PROX1: variants seen among roughly 807,000 people sequenced by gnomAD.
The protein encoded by PROX1 is prospero homeobox protein 1.
Under a neutral mutation model 58.8 loss-of-function variants are expected in PROX1, and 7 were observed. The observed-to-expected ratio is 0.12, with a 90% CI of 0.07 to 0.22. PROX1 has a LOEUF of 0.22. Ranked by LOEUF, PROX1 falls within the 10% of genes least tolerant of loss-of-function variation. The probability of loss-of-function intolerance (pLI) is 1.00; values close to 1 mark genes in which losing one functional copy is unlikely to be tolerated. For missense variants in PROX1, 675 were observed against 927.8 expected, an observed-to-expected ratio of 0.73 and a Z score of 3.54; for synonymous variants, 350 against 358.3, an observed-to-expected ratio of 0.98 and a Z score of 0.26.
chr1:213,985,618 C>T (rs1177406736), upstream of PROX1: 1 of 152,268 alleles, frequency 6.6e-6, no homozygotes, highest in African/African-American at 2.4e-5. Flanking sequence ...GCGGGTTACC[C>T]CGACTTCGAC....
chr1:213,990,037 A>C (rs1053028404), intron 1 of PROX1, among the ~76,000 whole-genome samples: 8 of 151,316 alleles, frequency 5.3e-5, no homozygotes, highest in Non-Finnish European at 1.0e-4. Flanking sequence ...CCTTGAGCTT[A>C]TAAAAACAGA....
intron 2 of PROX1, among the ~76,000 whole-genome samples, chr1:213,999,111 T>C (rs1663397744): frequency 6.6e-6 from 1 of 152,178 alleles, no homozygotes; most frequent in East Asian, 1.9e-4. Flanking sequence ...AATGGCTCTT[T>C]TTATGATTCT....
At chr1:214,025,267 G>A (rs887552972) in intron 4 of PROX1, among the ~76,000 whole-genome samples, 77 of 152,108 alleles carry the variant, frequency 5.1e-4, no homozygotes, top group South Asian at 2.1e-4. Flanking sequence ...CTTACAGGTC[G>A]AATTCAAGTG....
intron 3 of PROX1, among the ~76,000 whole-genome samples, chr1:214,009,843 G>A (rs1417803455): frequency 6.6e-6 from 1 of 152,050 alleles, no homozygotes; most frequent in Non-Finnish European, 1.5e-5. Context: ...TCATTCCCCA[G>A]TGCACAGCCT....
upstream of PROX1, among the ~76,000 whole-genome samples, chr1:213,987,121 A>G (rs1662843189): frequency 1.3e-5 from 2 of 152,178 alleles, no homozygotes; most frequent in Non-Finnish European, 2.9e-5. Context: ...ATATATTTTT[A>G]AAGGCTGCTT....
chr1:214,006,573 G>A (rs913755660), intron 3 of PROX1, among the ~76,000 whole-genome samples: 1 of 152,150 alleles, frequency 6.6e-6, no homozygotes, highest in Non-Finnish European at 1.5e-5. Context: ...GTGACACAGA[G>A]GCCAGGAAAA....
intron 4 of PROX1, among the ~76,000 whole-genome samples, chr1:214,016,702 T>C (rs1196235044): frequency 2.0e-5 from 3 of 152,164 alleles, no homozygotes; most frequent in Non-Finnish European, 4.4e-5. Flanking sequence ...TTGCCTGAAA[T>C]TTGAAGGAGA....
Position 214,037,609 on chromosome 1 carries a change from A to G in PROX1, c.*1775A>G, listed in dbSNP as rs1664870299. ...AGTCCTATGATGCCCTGCACCATCC[A>G]GGGGACTAACAGGGCCTCGCAGTGT... On this transcript the variant is annotated 3_prime_UTR_variant, in exon 5 of 5. Coordinates refer to ENST00000366958, the MANE Select transcript of PROX1 (RefSeq NM_001270616.2). 6.6e-6 allele frequency: 1 copy of G among 152,208 alleles called. No homozygotes were observed. Among genetic ancestry groups the G allele is most frequent in the African/African-American group, 2.4e-5 (1 of 41,440 alleles). The allele number at this position is 152,208 out of a possible 1,614,324, so 9.4% of individuals were successfully genotyped here.
chr1:214,000,097 G>A lies in PROX1; in HGVS notation c.1725+1837G>A, dbSNP rs1244672152. Among the ~76,000 whole-genome samples the A allele has an allele frequency of 5.9e-5, 9 of 152,070 alleles. No individual in the cohort carries two copies. The East Asian group carries it at 7.7e-4, about 13-fold the overall frequency. On this transcript the variant is annotated intron_variant, in intron 2 of 4. Transcript: ENST00000366958. ...ACACACACAGAGTAAAGTGACATGC[G>A]TGCCAATTTTGGTGAATATTTAAAG...
At chr1:214,029,939 G>A (rs746930826) in intron 4 of PROX1, 6 of 152,614 alleles carry the variant, frequency 3.9e-5, no homozygotes, top group Non-Finnish European at 7.3e-5. Flanking sequence ...AACAGCCACA[G>A]CGGATTAGTT....
intron 3 of PROX1, among the ~76,000 whole-genome samples, chr1:214,005,964 ATGTGTC>A (rs1325300619): frequency 6.7e-6 from 1 of 149,268 alleles, no homozygotes; most frequent in Non-Finnish European, 1.5e-5. Context: ...GTGTGTGTGT[ATGTGTC>A]TGTGTCTGTG....
intron 4 of PROX1, among the ~76,000 whole-genome samples, chr1:214,018,545 AAG>A (rs1328844651): frequency 6.6e-6 from 1 of 152,164 alleles, no homozygotes; most frequent in African/African-American, 2.4e-5. Context: ...GGGTAGGAAA[AAG>A]AGAACCGTCT....
upstream of PROX1, chr1:213,983,845 T>C (rs1440536829): frequency 6.6e-6 from 1 of 152,218 alleles, no homozygotes; most frequent in African/African-American, 2.4e-5. Context: ...TCACGGCCTC[T>C]CCAAATGCTA....
At chr1:213,987,663 G>A (rs1302410518), upstream of PROX1, 2 of 141,560 alleles carry the variant, frequency 1.4e-5, no homozygotes, top group African/African-American at 2.5e-5. Context: ...GGCTCGCTCC[G>A]GCCCAGGCGC....
At chr1:214,014,347 A>G (rs575959636) in intron 4 of PROX1, among the ~76,000 whole-genome samples, 4 of 152,356 alleles carry the variant, frequency 2.6e-5, no homozygotes, top group East Asian at 1.9e-4. Flanking sequence ...AAAATGGAGA[A>G]CTGTGCTACA....
At chr1:214,014,927 G>A (rs1434503540) in intron 4 of PROX1, among the ~76,000 whole-genome samples, 1 of 152,136 alleles carries the variant, frequency 6.6e-6, no homozygotes, top group East Asian at 1.9e-4. Context: ...CTGACCCCTG[G>A]CCTACAGGAA....
chr1:214,000,587 CATTTT>C (rs1409303449), intron 2 of PROX1, among the ~76,000 whole-genome samples: 2 of 152,162 alleles, frequency 1.3e-5, no homozygotes, highest in African/African-American at 4.8e-5. Flanking sequence ...TTAGTGATTA[CATTTT>C]CCACCTTTTG....
chr1:213,998,363 A>G, intron 2 of PROX1, 103 bp downstream of exon 2: 2 of 1,313,084 alleles, frequency 1.5e-6, no homozygotes, highest in Non-Finnish European at 2.0e-6. Flanking sequence ...GTATCTTCTT[A>G]AGAAGGCAAC....
At chr1:214,017,701 A>T (rs1664143140) in intron 4 of PROX1, among the ~76,000 whole-genome samples, 1 of 151,910 alleles carries the variant, frequency 6.6e-6, no homozygotes, top group African/African-American at 2.4e-5. Flanking sequence ...CCCACAAATG[A>T]TCTATTGGCT....
Sources: gnomAD v4.1 joint callset for allele counts (sites outside exome capture counted in the v4.1 genomes callset) on GRCh38, gnomAD v4.1.1 for gene constraint, MANE v1.5 for transcripts, NCBI Gene and HGNC (gene_info 2026-07-23, HGNC 2026-07-21) for gene names.